SLC38A6: variants seen among roughly 807,000 people sequenced by gnomAD.
SLC38A6 encodes N system amino acid transporter NAT-1.
Under a neutral mutation model 65.0 loss-of-function variants are expected in SLC38A6, and 73 were observed. The ratio of observed to expected loss-of-function variants is 1.12; its 90% CI spans 0.93 to 1.37. The LOEUF is 1.37. Among genes scored for constraint, SLC38A6 ranks in the 40% most tolerant of loss-of-function variants. The pLI is 0.00. For missense variants in SLC38A6, 561 were observed against 531.1 expected (o/e 1.06, Z -0.55); for synonymous variants, 183 against 178.8 (o/e 1.02, Z -0.19).
At chr14:60,996,138 A>G (rs1385245239) in intron 3 of SLC38A6, among the ~76,000 whole-genome samples, 1 of 152,192 alleles carries the variant, frequency 6.6e-6, no homozygotes, top group Non-Finnish European at 1.5e-5. Flanking sequence ...GGCAGGAGGT[A>G]TATGGGAACT....
intron 3 of SLC38A6, among the ~76,000 whole-genome samples, chr14:61,002,417 G>C (rs2038774434): frequency 6.6e-6 from 1 of 152,174 alleles, no homozygotes; most frequent in African/African-American, 2.4e-5. Flanking sequence ...ATTCCCAATG[G>C]CCAGCTTTCT....
intron 3 of SLC38A6, among the ~76,000 whole-genome samples, chr14:61,012,727 G>C (rs1338161321): frequency 6.6e-6 from 1 of 151,534 alleles, no homozygotes; most frequent in Non-Finnish European, 1.5e-5. Context: ...GTTCTAGTTT[G>C]ATTGCACTGT....
intron 3 of SLC38A6, among the ~76,000 whole-genome samples, chr14:61,012,747 G>A (rs1218279297): frequency 6.6e-6 from 1 of 152,108 alleles, no homozygotes; most frequent in Non-Finnish European, 1.5e-5. Flanking sequence ...TGGTCTGAGA[G>A]ACAGTTTGTT....
At chr14:61,064,510 A>G (rs1282286857) in intron 15 of SLC38A6, among the ~76,000 whole-genome samples, 2 of 151,126 alleles carry the variant, frequency 1.3e-5, no homozygotes, top group African/African-American at 2.4e-5. Flanking sequence ...AAAACTTAGT[A>G]GCAAGAAAAA....
At chr14:60,999,469 T>C (rs1354420644) in intron 3 of SLC38A6, among the ~76,000 whole-genome samples, 1 of 152,170 alleles carries the variant, frequency 6.6e-6, no homozygotes, top group Non-Finnish European at 1.5e-5. Context: ...TACCTTCTTT[T>C]TATAACATTT....
chr14:61,054,423 A>G (rs542442114), downstream of SLC38A6, among the ~76,000 whole-genome samples: 60 of 152,280 alleles, frequency 3.9e-4, no homozygotes, highest in African/African-American at 1.4e-3. Flanking sequence ...TGTCATTGGT[A>G]GTTTTATAGG....
chr14:61,030,709 C>T (rs992236036), intron 6 of SLC38A6, 186 bp downstream of exon 6: 3 of 499,402 alleles, frequency 6.0e-6, no homozygotes, highest in Admixed American at 3.6e-5. Context: ...GTTTGATTAC[C>T]CATATGAAAG....
chr14:61,072,667 A>G (rs1566733457), intron 15 of SLC38A6, among the ~76,000 whole-genome samples: 3 of 152,184 alleles, frequency 2.0e-5, no homozygotes, highest in Admixed American at 6.5e-5. Context: ...CACTTAACAT[A>G]ATGGTCTCCA....
At position 61,066,028 on chromosome 14, in the gene SLC38A6, T is replaced by A. The variant is rs2043007743; in HGVS notation, c.1291-12782T>A. ...ATGTTAACAGCTCTCTGTGGCTGTG[T>A]TAGAATTAGCCCTATGTTAAACATA... On this transcript the variant is annotated intron_variant, in intron 15 of 16. Transcript: ENST00000354886. 1.3e-5 allele frequency among the ~76,000 whole-genome samples: 2 copies of A among 152,220 alleles called. 1 individual carries two copies. The highest frequency in any genetic ancestry group is 4.1e-4 in the South Asian group (2 of 4,832).
At chr14:61,042,403 A>G (rs1381015757) in intron 8 of SLC38A6, among the ~76,000 whole-genome samples, 2 of 152,344 alleles carry the variant, frequency 1.3e-5, no homozygotes, top group East Asian at 1.9e-4. Flanking sequence ...CAGAGTAATT[A>G]TGTGCCCTGA....
chr14:61,046,072 C>T lies in SLC38A6; in HGVS notation c.830C>T (p.Ser277Leu), dbSNP rs926879997. 6.3e-7 allele frequency: 1 copy of T among 1,598,322 alleles called. No homozygotes were observed. Among genetic ancestry groups the T allele is most frequent in the Admixed American group, 1.7e-5 (1 of 59,256 alleles). The change falls in exon 12 of 16, where the codon TCA (serine) becomes TTA (leucine). Residue 277 changes from serine (S) to leucine (L), a missense_variant. Coordinates refer to ENST00000267488, the MANE Select transcript of SLC38A6 (RefSeq NM_153811.3). ...LPIYCELQSP[S>L]KKRMQNVTNT... ...TTGTCATTTTTGTCTTTTAGTCCTT[C>T]AAAGAAAAGAATGCAGAATGTTACC...
chr14:60,989,453 G>A (rs2037700811), intron 3 of SLC38A6, among the ~76,000 whole-genome samples: 1 of 152,226 alleles, frequency 6.6e-6, no homozygotes, highest in South Asian at 2.1e-4. Flanking sequence ...GCCAGGTGTG[G>A]TGTCTCATGC....
At chr14:61,014,646 C>T (rs1400519513) in intron 3 of SLC38A6, among the ~76,000 whole-genome samples, 1 of 152,206 alleles carries the variant, frequency 6.6e-6, no homozygotes, top group Non-Finnish European at 1.5e-5. Flanking sequence ...TACTGGAAGT[C>T]CACTCCAGAC....
At chr14:61,042,963 A>G (rs1301565846) in intron 8 of SLC38A6, among the ~76,000 whole-genome samples, 184 bp from the exon 9 acceptor site, 1 of 152,176 alleles carries the variant, frequency 6.6e-6, no homozygotes, top group Non-Finnish European at 1.5e-5. Flanking sequence ...GCAGTCTCCA[A>G]CCGCCTCCCT....
chr14:61,025,743 A>G (rs538069198), intron 5 of SLC38A6, among the ~76,000 whole-genome samples: 2 of 152,238 alleles, frequency 1.3e-5, no homozygotes, highest in Non-Finnish European at 2.9e-5. Context: ...ATTTTCCCCC[A>G]TATATTTTGA....
At chr14:61,027,473 A>G (rs2040671650) in intron 5 of SLC38A6, among the ~76,000 whole-genome samples, 1 of 152,188 alleles carries the variant, frequency 6.6e-6, no homozygotes, top group Admixed American at 6.5e-5. Context: ...CTGTAAGATA[A>G]GTGCTTAAAC....
At chr14:61,033,968 T>C (rs1250661778) in intron 6 of SLC38A6, 1 of 152,158 alleles carries the variant, frequency 6.6e-6, no homozygotes, top group Non-Finnish European at 1.5e-5. Flanking sequence ...TGAGGTAGTA[T>C]CTGAAAGTAT....
chr14:61,046,519 G>C lies in SLC38A6; in HGVS notation c.925+352G>C, dbSNP rs61303948. ...TATTAGTCTAATTCAGAAGTGTGGG[G>C]GTTGGGTGAGTCAGTCATCTTAATT... On this transcript the variant is annotated intron_variant, in intron 12 of 15. Coordinates refer to ENST00000267488, the MANE Select transcript of SLC38A6 (RefSeq NM_153811.3). Among the ~76,000 whole-genome samples, 386 of 152,192 alleles carry C rather than the reference G, an allele frequency of 2.5e-3. 11 individuals carry two copies. In the East Asian group the frequency reaches 0.062, roughly 25 times the overall value.
chr14:61,013,116 T>C lies in SLC38A6; in HGVS notation c.311-2788T>C, dbSNP rs566853726. ...AGGATAGTTAGCTCTTCTTGTTGAA[T>C]TGATCCCTTTACCATTATGTAATGG... On this transcript the variant is annotated intron_variant, in intron 3 of 15. Transcript: ENST00000267488. 9.8e-5 allele frequency among the ~76,000 whole-genome samples: 15 copies of C among 152,354 alleles called. 1 individual carries two copies. The highest frequency in any genetic ancestry group is 6.8e-3 in the Middle Eastern group (2 of 294).
Sources: allele counts gnomAD v4.1 joint callset (sites outside exome capture counted in the v4.1 genomes callset), GRCh38; gene constraint gnomAD v4.1.1; transcripts MANE v1.5; gene names NCBI Gene and HGNC (gene_info 2026-07-23, HGNC 2026-07-21).